Variants in PTDSS1 observed in about 807,000 individuals in gnomAD.
The protein encoded by PTDSS1 is PSS-1.
Under a neutral mutation model 70.5 loss-of-function variants are expected in PTDSS1, and 45 were observed. That is an observed-to-expected ratio of 0.64 (90% CI 0.50 to 0.82). The LOEUF is 0.82. PTDSS1 is among the 40% of genes least tolerant of loss of function. The probability of loss-of-function intolerance (pLI) is 0.00; values close to 1 mark genes in which losing one functional copy is unlikely to be tolerated. For missense variants in PTDSS1, 417 were observed against 586.1 expected, an observed-to-expected ratio of 0.71 and a Z score of 2.98; for synonymous variants, 188 against 203.8, an observed-to-expected ratio of 0.92 and a Z score of 0.66.
At chr8:96,310,823 T>C (rs1487988729) in intron 9 of PTDSS1, among the ~76,000 whole-genome samples, 2 of 152,018 alleles carry the variant, frequency 1.3e-5, no homozygotes, top group Non-Finnish European at 2.9e-5. Flanking sequence ...TGGAGTACAG[T>C]GGCGTGATCT....
At chr8:96,284,337 G>C (rs543737424) in intron 3 of PTDSS1, among the ~76,000 whole-genome samples, 184 bp downstream of exon 3, 1 of 152,282 alleles carries the variant, frequency 6.6e-6, no homozygotes, top group South Asian at 2.1e-4. Flanking sequence ...TGTTGAGGAT[G>C]ACTTAAATTC....
intron 8 of PTDSS1, among the ~76,000 whole-genome samples, chr8:96,306,896 T>C (rs970458777): frequency 6.6e-6 from 1 of 152,206 alleles, no homozygotes; most frequent in Non-Finnish European, 1.5e-5. Flanking sequence ...AAAAATGAGA[T>C]TACTGGAAAA....
At chr8:96,305,071 TA>T (rs771157728) in intron 7 of PTDSS1, among the ~76,000 whole-genome samples, 3 of 152,200 alleles carry the variant, frequency 2.0e-5, no homozygotes, top group Non-Finnish European at 4.4e-5. Context: ...TCAGTATCTT[TA>T]AAAACAGGAC....
At position 96,285,402 on chromosome 8, in the gene PTDSS1, C is replaced by G. The variant is rs565769422; in HGVS notation, c.316+1249C>G. 2.3e-4 allele frequency among the ~76,000 whole-genome samples: 35 copies of G among 151,244 alleles called. 2 individuals are homozygous for G. In the South Asian group the frequency reaches 7.3e-3, roughly 31 times the overall value. On this transcript the variant is annotated intron_variant, in intron 3 of 12. Transcript: ENST00000517309. Reference sequence around the variant, plus strand: ...AGATGTAATCATGGGGACTGTGGGCCAGGGTAAAGAGCAGGGCATGAAGGG... The same window carrying G: ...AGATGTAATCATGGGGACTGTGGGCGAGGGTAAAGAGCAGGGCATGAAGGG...
At chr8:96,305,331 C>T (rs1811107467) in intron 7 of PTDSS1, among the ~76,000 whole-genome samples, 1 of 152,152 alleles carries the variant, frequency 6.6e-6, no homozygotes, top group Non-Finnish European at 1.5e-5. Flanking sequence ...GAAGTCAGTG[C>T]TATGGGAAAA....
chr8:96,315,010 C>G (rs185517612), intron 9 of PTDSS1, among the ~76,000 whole-genome samples: 1 of 152,164 alleles, frequency 6.6e-6, no homozygotes, highest in Admixed American at 6.5e-5. Context: ...ATCCAAGACC[C>G]GCTTCTCCCC....
intron 5 of PTDSS1, among the ~76,000 whole-genome samples, chr8:96,297,914 G>C (rs1166236675): frequency 6.6e-6 from 1 of 152,224 alleles, no homozygotes; most frequent in East Asian, 1.9e-4. Context: ...CAAATCTGTA[G>C]TGAATGAAAG....
chr8:96,269,363 G>T (rs1040224618), intron 1 of PTDSS1, among the ~76,000 whole-genome samples: 4 of 152,312 alleles, frequency 2.6e-5, no homozygotes, highest in African/African-American at 4.8e-5. Flanking sequence ...AACACCAGCT[G>T]TGAAAGTTCT....
intron 3 of PTDSS1, among the ~76,000 whole-genome samples, chr8:96,286,668 G>A (rs1025610884): frequency 2.0e-5 from 3 of 152,142 alleles, no homozygotes; most frequent in African/African-American, 2.4e-5. Flanking sequence ...AGCCACATAC[G>A]GGGTCCTAGA....
chr8:96,312,479 A>T (rs1388169448), intron 9 of PTDSS1, among the ~76,000 whole-genome samples: 8 of 146,586 alleles, frequency 5.5e-5, no homozygotes, highest in African/African-American at 1.8e-4. Flanking sequence ...TTTTTTTTTA[A>T]AAAAAAAAGG....
intron 7 of PTDSS1, 48 bp downstream of exon 7, chr8:96,304,229 TA>T (rs764699636): frequency 6.4e-7 from 1 of 1,563,612 alleles, no homozygotes; most frequent in Admixed American, 2.0e-5. Context: ...AAAACTAAAA[TA>T]AAAACTTTTT....
At chr8:96,317,471 A>G (rs1200195050) in intron 9 of PTDSS1, among the ~76,000 whole-genome samples, 2 of 152,178 alleles carry the variant, frequency 1.3e-5, no homozygotes, top group East Asian at 1.9e-4. Context: ...GCAGTGGCTC[A>G]TACCTGTAAT....
intron 10 of PTDSS1, among the ~76,000 whole-genome samples, chr8:96,324,049 T>C (rs1811406750): frequency 6.6e-6 from 1 of 152,218 alleles, no homozygotes; most frequent in Non-Finnish European, 1.5e-5. Context: ...TAGAAAGCCT[T>C]CAGGCATGGA....
chr8:96,299,075 G>A (rs994048578), intron 5 of PTDSS1, among the ~76,000 whole-genome samples: 13 of 151,380 alleles, frequency 8.6e-5, no homozygotes, highest in Admixed American at 5.9e-4. Context: ...TCTGACACCT[G>A]TCCTTGAAAT....
intron 2 of PTDSS1, chr8:96,283,832 T>C (rs1049510176): frequency 2.6e-6 from 1 of 377,548 alleles, no homozygotes; most frequent in Non-Finnish European, 4.7e-6. Context: ...ATTGTTTCCA[T>C]GGGAAATTAT....
chr8:96,330,323 C>T, intron 11 of PTDSS1, 42 bp downstream of exon 11: 1 of 1,564,812 alleles, frequency 6.4e-7, no homozygotes, highest in Non-Finnish European at 8.8e-7. Context: ...TTAAAATAAT[C>T]ACCCCGGGCT....
chr8:96,310,535 G>C (rs1811195987), intron 9 of PTDSS1, among the ~76,000 whole-genome samples: 1 of 150,888 alleles, frequency 6.6e-6, no homozygotes, highest in Non-Finnish European at 1.5e-5. Context: ...CTGAGACTTT[G>C]TTTTATGAAA....
At chr8:96,323,034 GA>G (rs1317381185) in intron 10 of PTDSS1, among the ~76,000 whole-genome samples, 1 of 152,244 alleles carries the variant, frequency 6.6e-6, no homozygotes, top group Non-Finnish European at 1.5e-5. Context: ...AGAAAAAAGG[GA>G]TAAGCAGTCC....
At chr8:96,302,815 C>G (rs1176106958) in intron 6 of PTDSS1, among the ~76,000 whole-genome samples, 1 of 152,166 alleles carries the variant, frequency 6.6e-6, no homozygotes, top group Admixed American at 6.5e-5. Flanking sequence ...CTCCTGACCT[C>G]AAGTGATCTG....
Sources: gnomAD v4.1 joint callset for allele counts (sites outside exome capture counted in the v4.1 genomes callset) on GRCh38, gnomAD v4.1.1 for gene constraint, MANE v1.5 for transcripts, NCBI Gene and HGNC (gene_info 2026-07-23, HGNC 2026-07-21) for gene names.